Variants in AP2A2 observed in about 807,000 individuals in gnomAD.
The protein encoded by AP2A2 is adaptor related protein complex 2 subunit alpha 2, also known as AP-2 complex subunit alpha-2.
AP2A2 carries 32 observed loss-of-function variants against 104.2 expected under a neutral mutation model. The observed-to-expected ratio is 0.31, with a 90% CI of 0.23 to 0.41. The LOEUF (loss-of-function observed/expected upper bound fraction) is 0.41. Among genes scored for constraint, AP2A2 ranks in the 10% least tolerant of loss-of-function variants. The probability of loss-of-function intolerance (pLI) is 1.00; values close to 1 mark genes in which losing one functional copy is unlikely to be tolerated. For synonymous variants in AP2A2, 539 were observed against 533.3 expected (o/e 1.01, Z -0.15); for missense variants, 912 against 1,261.0 (o/e 0.72, Z 4.19).
intron 15 of AP2A2, among the ~76,000 whole-genome samples, chr11:1,002,666 G>T (rs533630517): frequency 1.3e-5 from 2 of 152,376 alleles, no homozygotes; most frequent in South Asian, 2.1e-4. Flanking sequence ...GTCTGTTGCT[G>T]CTTCCTCTGT....
chr11:937,452 C>G (rs1853496240), intron 1 of AP2A2, among the ~76,000 whole-genome samples: 1 of 152,118 alleles, frequency 6.6e-6, no homozygotes, highest in Non-Finnish European at 1.5e-5. Context: ...TTTAAAAGTT[C>G]ACTTTTGGGG....
chr11:949,966 T>G (rs1395445832), intron 1 of AP2A2, among the ~76,000 whole-genome samples: 9 of 152,118 alleles, frequency 5.9e-5, no homozygotes, highest in African/African-American at 1.7e-4. Flanking sequence ...ACATGCTGAT[T>G]CCAAAACTTA....
intron 7 of AP2A2, 91 bp downstream of exon 7, chr11:984,844 G>T (rs1341395572): frequency 4.5e-6 from 5 of 1,105,884 alleles, no homozygotes; most frequent in Middle Eastern, 2.0e-4. Context: ...ATTTTAAGAA[G>T]TGTGTTACTA....
chr11:1,002,480 G>T lies in AP2A2; in HGVS notation c.2124-1242G>T, dbSNP rs1009881603. 2.0e-5 allele frequency among the ~76,000 whole-genome samples: 3 copies of T among 152,284 alleles called. No individual in the cohort carries two copies. The East Asian group carries it at 5.8e-4, about 29-fold the overall frequency. ...GAAGCTTCGCATGTGGCTGCAGCCG[G>T]ACCAGCAGCCTGCCGGGCTGTGCAG... On this transcript the variant is annotated intron_variant, in intron 15 of 21. Transcript: ENST00000448903.
rs1225805657 is a variant in AP2A2, at chr11:984,683, T to A, written c.744T>A (p.Thr248=). The A allele has an allele frequency of 6.2e-7, 1 of 1,613,632 alleles. No individual in the cohort carries two copies. The highest frequency in any genetic ancestry group is 8.5e-7 in the Non-Finnish European group (1 of 1,179,730). The change falls in exon 7 of 22, where the codon ACT becomes ACA. Residue 248 remains threonine, a synonymous_variant. Coordinates refer to ENST00000448903, the MANE Select transcript of AP2A2 (RefSeq NM_012305.4). ...TSASTDLQDY[T]YYFVPAPWLS... The stretch of plus-strand genomic sequence containing the variant: ...CATCCACAGATCTCCAGGATTACAC[T>A]TACTATTTTGTCCCGGCTCCCTGGC...
chr11:1,000,305 G>C, intron 14 of AP2A2, 127 bp from the exon 15 acceptor site: 1 of 882,386 alleles, frequency 1.1e-6, no homozygotes, highest in Non-Finnish European at 1.7e-6. Context: ...TGTGCCACCT[G>C]CCCCAGCCAC....
chr11:944,607 G>A (rs896021176), intron 1 of AP2A2, among the ~76,000 whole-genome samples: 8 of 152,160 alleles, frequency 5.3e-5, no homozygotes, highest in Non-Finnish European at 8.8e-5. Flanking sequence ...GAGATATTAA[G>A]GGGGGAAGGT....
At chr11:927,510 T>TAA (rs10665614) in intron 1 of AP2A2, among the ~76,000 whole-genome samples, 13 of 131,752 alleles carry the variant, frequency 9.9e-5, no homozygotes, top group African/African-American at 2.8e-4. Context: ...TGTACTCTGT[T>TAA]AAAAAAAAAA....
At chr11:991,283 C>CA (rs1164602926) in intron 10 of AP2A2, among the ~76,000 whole-genome samples, 1 of 152,226 alleles carries the variant, frequency 6.6e-6, no homozygotes, top group Non-Finnish European at 1.5e-5. Context: ...ACCTTGCCAT[C>CA]CATGGAGGGG....
intron 1 of AP2A2, among the ~76,000 whole-genome samples, chr11:931,642 G>A (rs149273788): frequency 1.3e-5 from 2 of 152,262 alleles, no homozygotes; most frequent in East Asian, 1.9e-4. Flanking sequence ...ACATGAAGGG[G>A]AAACAGATGG....
At chr11:983,635 G>A (rs569385662) in intron 6 of AP2A2, among the ~76,000 whole-genome samples, 113 of 152,166 alleles carry the variant, frequency 7.4e-4, no homozygotes, top group Non-Finnish European at 1.4e-3. Context: ...CGCCCGCCTT[G>A]GCCTCTCAAA....
In AP2A2 at chr11:981,274, C is replaced by G. The variant is rs1281295173; in HGVS notation, c.680C>G (p.Ser227Cys). 1 of 1,613,070 alleles carries G rather than the reference C, an allele frequency of 6.2e-7. No homozygotes were observed. Among genetic ancestry groups the G allele is most frequent in the Non-Finnish European group, 8.5e-7 (1 of 1,179,462 alleles). ...KNPEEFKTSV[S>C]LAVSRLSRIV... ...CCAGAAGAGTTTAAAACCTCCGTGT[C>G]TCTGGCTGTCTCTAGGCTAAGCAGA... The change falls in exon 6 of 22, where the codon TCT becomes TGT. Residue 227 changes from serine to cysteine, a missense_variant. Physicochemically the swap from Ser to Cys is moderately radical, Grantham distance 112. Coordinates refer to ENST00000448903, the MANE Select transcript of AP2A2 (RefSeq NM_012305.4).
chr11:986,724 C>G, intron 8 of AP2A2, 61 bp from the exon 9 acceptor site: 1 of 1,574,234 alleles, frequency 6.4e-7, no homozygotes, highest in South Asian at 1.2e-5. Flanking sequence ...AACGCAGACT[C>G]TGTCCAGTTT....
At position 1,008,054 on chromosome 11, in the gene AP2A2, G is replaced by C. The variant is rs1387151636; in HGVS notation, c.2339G>C (p.Gly780Ala). ...AAGCCCGTGGACCCGACCGTGGAGG[G>C]GGGCGCGCAGGTGCAGCAGGTGGTC... ...QTKPVDPTVE[G>A]GAQVQQVVNI... Residue 780 changes from glycine to alanine, a missense_variant, in exon 18 of 22, where the codon GGG becomes GCG. Coordinates refer to ENST00000448903, the MANE Select transcript of AP2A2 (RefSeq NM_012305.4). 3 of 1,579,688 alleles carry C rather than the reference G, an allele frequency of 1.9e-6. No homozygotes were observed. The highest frequency in any genetic ancestry group is 2.3e-5 in the East Asian group (1 of 42,882).
intron 1 of AP2A2, among the ~76,000 whole-genome samples, chr11:931,178 C>T (rs1853280804): frequency 6.6e-6 from 1 of 152,098 alleles, no homozygotes; most frequent in Non-Finnish European, 1.5e-5. Context: ...CATCGAGGTC[C>T]ATTCAGGCTG....
intron 1 of AP2A2, among the ~76,000 whole-genome samples, chr11:937,698 A>G (rs1272254987): frequency 6.7e-6 from 1 of 149,966 alleles, no homozygotes; most frequent in African/African-American, 2.5e-5. Flanking sequence ...ATCTCATGTA[A>G]TTTATTGAAT....
chr11:932,834 G>A (rs919117868), intron 1 of AP2A2: 1 of 440,896 alleles, frequency 2.3e-6, no homozygotes, highest in Non-Finnish European at 4.5e-6. Flanking sequence ...AACATATTTT[G>A]TGCCAGATAC....
chr11:957,644 T>G (rs1854281968), intron 1 of AP2A2, among the ~76,000 whole-genome samples: 1 of 152,222 alleles, frequency 6.6e-6, no homozygotes. Flanking sequence ...AAAACCAGTA[T>G]GTATGTATAA....
chr11:993,172 C>T lies in AP2A2; in HGVS notation c.1453-112C>T. ...GGATGGGCACTTGGACTGGGGTCTC[C>T]AGGAAGCTGAGGGGCTGGTGCTGGT... On this transcript the variant is annotated intron_variant, in intron 11 of 21. Transcript: ENST00000448903. The surrounding 1 kb of genome is among the most constrained non-coding windows in gnomAD (Gnocchi z 8.2). The T allele has an allele frequency of 1.3e-6, 1 of 787,208 alleles. No homozygotes were observed. The highest frequency in any genetic ancestry group is 2.0e-6 in the Non-Finnish European group (1 of 510,176). The allele number at this position is 787,208 out of a possible 1,614,324, so 48.8% of individuals were successfully genotyped here. A position where few individuals can be genotyped will look rare whatever the true frequency, so the allele number is the denominator to read the frequency against.
Sources: allele counts gnomAD v4.1 joint callset (sites outside exome capture counted in the v4.1 genomes callset), GRCh38; gene constraint gnomAD v4.1.1; non-coding constraint Gnocchi (gnomAD v3.1); transcripts MANE v1.5; gene names NCBI Gene and HGNC (gene_info 2026-07-23, HGNC 2026-07-21).